CACNA2D3: variants seen among roughly 807,000 people sequenced by gnomAD.
The protein encoded by CACNA2D3 is calcium voltage-gated channel auxiliary subunit alpha2delta 3.
CACNA2D3 carries 60 observed loss-of-function variants against 160.6 expected under a neutral mutation model. That is an observed-to-expected ratio of 0.37 (90% CI 0.30 to 0.46). CACNA2D3 has a LOEUF of 0.46. Ranked by LOEUF, CACNA2D3 falls within the 20% of genes least tolerant of loss-of-function variation. The probability of loss-of-function intolerance (pLI) is 1.00; values close to 1 mark genes in which losing one functional copy is unlikely to be tolerated. For missense variants in CACNA2D3, 1,205 were observed against 1,365.0 expected (o/e 0.88, Z 1.85); for synonymous variants, 558 against 492.9 (o/e 1.13, Z -1.75).
chr3:54,665,672 GA>G (rs1202852234), intron 11 of CACNA2D3, among the ~76,000 whole-genome samples: 2 of 152,022 alleles, frequency 1.3e-5, no homozygotes, highest in Admixed American at 6.6e-5. Context: ...AGAGACTACT[GA>G]CAGGGGCCAA....
At chr3:54,648,803 G>A (rs570213310) in intron 11 of CACNA2D3, among the ~76,000 whole-genome samples, 3 of 152,350 alleles carry the variant, frequency 2.0e-5, no homozygotes, top group Non-Finnish European at 4.4e-5. Flanking sequence ...GAGCAGGTAT[G>A]TCACATGGTG....
chr3:54,477,501 CACAA>C (rs2106889724), intron 4 of CACNA2D3, among the ~76,000 whole-genome samples: 1 of 152,302 alleles, frequency 6.6e-6, no homozygotes, highest in Non-Finnish European at 1.5e-5. Flanking sequence ...CACTCATTGA[CACAA>C]ACCAGAAATT....
intron 9 of CACNA2D3, among the ~76,000 whole-genome samples, chr3:54,600,953 T>C (rs1275465826): frequency 1.3e-5 from 2 of 152,120 alleles, no homozygotes; most frequent in African/African-American, 4.8e-5. Flanking sequence ...ATGTTTTGTT[T>C]TGGGTTTTCT....
At chr3:54,585,567 T>G (rs1340115653) in intron 9 of CACNA2D3, among the ~76,000 whole-genome samples, 1 of 152,188 alleles carries the variant, frequency 6.6e-6, no homozygotes, top group Non-Finnish European at 1.5e-5. Context: ...AAAAGAGGTT[T>G]AATGGACCCA....
At chr3:54,291,392 A>C (rs759703205) in intron 2 of CACNA2D3, among the ~76,000 whole-genome samples, 1 of 152,218 alleles carries the variant, frequency 6.6e-6, no homozygotes, top group Non-Finnish European at 1.5e-5. Context: ...AGTAACCCTT[A>C]AGGCTACTTT....
intron 27 of CACNA2D3, among the ~76,000 whole-genome samples, chr3:54,911,631 T>C (rs557266541): frequency 4.5e-4 from 69 of 152,212 alleles, no homozygotes; most frequent in African/African-American, 1.5e-3. Context: ...GTTCCCTCAG[T>C]GGGCCGCTCC....
At chr3:54,357,843 C>A (rs1341464655) in intron 3 of CACNA2D3, among the ~76,000 whole-genome samples, 2 of 152,178 alleles carry the variant, frequency 1.3e-5, no homozygotes, top group Admixed American at 6.5e-5. Flanking sequence ...ATGATTCCAA[C>A]TATATGCCAT....
At chr3:54,336,584 T>C (rs750402934) in intron 3 of CACNA2D3, among the ~76,000 whole-genome samples, 18 of 152,200 alleles carry the variant, frequency 1.2e-4, no homozygotes, top group Non-Finnish European at 1.8e-4. Context: ...ATAACAAATA[T>C]AACTTCCTTT....
intron 14 of CACNA2D3, among the ~76,000 whole-genome samples, chr3:54,821,644 C>CG (rs1703596268): frequency 3.3e-5 from 1 of 30,740 alleles, no homozygotes; most frequent in Middle Eastern, 0.017. Flanking sequence ...GTCTTTCGTT[C>CG]TTTCTTTCTT....
At chr3:54,248,294 A>G (rs1702120310) in intron 2 of CACNA2D3, among the ~76,000 whole-genome samples, 1 of 152,042 alleles carries the variant, frequency 6.6e-6, no homozygotes, top group Non-Finnish European at 1.5e-5. Flanking sequence ...CAGCCTGGCC[A>G]ACATAGTGAA....
At chr3:55,007,159 A>G (rs947844858) in intron 32 of CACNA2D3, among the ~76,000 whole-genome samples, 1 of 152,334 alleles carries the variant, frequency 6.6e-6, no homozygotes, top group Admixed American at 6.5e-5. Context: ...TTTTAATTAA[A>G]ATATTCTGAA....
intron 10 of CACNA2D3, among the ~76,000 whole-genome samples, chr3:54,630,685 CAAG>C (rs1443719304): frequency 6.6e-6 from 1 of 152,122 alleles, no homozygotes; most frequent in Non-Finnish European, 1.5e-5. Context: ...TTGTATGCTC[CAAG>C]AAGGTGTATT....
intron 3 of CACNA2D3, among the ~76,000 whole-genome samples, chr3:54,331,434 G>A (rs1704252135): frequency 6.6e-6 from 1 of 152,174 alleles, no homozygotes; most frequent in Non-Finnish European, 1.5e-5. Flanking sequence ...TGTATGTGAA[G>A]TAGGCAGCAT....
chr3:54,633,176 T>C (rs537613237), intron 10 of CACNA2D3, among the ~76,000 whole-genome samples: 11 of 152,200 alleles, frequency 7.2e-5, no homozygotes, highest in African/African-American at 2.4e-4. Context: ...GAGGAGGAGA[T>C]TAATACTTTT....
At chr3:54,774,286 G>C (rs926113599) in intron 13 of CACNA2D3, among the ~76,000 whole-genome samples, 4 of 152,174 alleles carry the variant, frequency 2.6e-5, no homozygotes, top group Non-Finnish European at 4.4e-5. Context: ...AATTGGCTCA[G>C]GGTTCCGCAG....
At chr3:55,020,559 T>A (rs1703423955) in intron 35 of CACNA2D3, among the ~76,000 whole-genome samples, 1 of 151,732 alleles carries the variant, frequency 6.6e-6, no homozygotes, top group African/African-American at 2.4e-5. Flanking sequence ...ACCTTCATTG[T>A]CATAAACAGG....
In CACNA2D3 at chr3:54,857,623, G is replaced by A. The variant is rs138461544; in HGVS notation, c.1626+11156G>A. Among the ~76,000 whole-genome samples, 783 of 152,242 alleles carry A rather than the reference G, an allele frequency of 5.1e-3. 5 individuals are homozygous for A. Among genetic ancestry groups the A allele is most frequent in the Non-Finnish European group, 8.1e-3 (550 of 68,022 alleles). Reference sequence around the variant, plus strand: ...CTGAATCACTTTGCCATGTCCCTGCGGGTATTTCCTGGGAATCCCTGTCAA... The same window carrying A: ...CTGAATCACTTTGCCATGTCCCTGCAGGTATTTCCTGGGAATCCCTGTCAA... On this transcript the variant is annotated intron_variant, in intron 17 of 37. Transcript: ENST00000474759.
intron 10 of CACNA2D3, chr3:54,638,091 A>G (rs1699419127): frequency 6.6e-6 from 1 of 151,998 alleles, no homozygotes; most frequent in African/African-American, 2.4e-5. Context: ...CACACCTTGA[A>G]GGTGAGGTTA....
At chr3:54,929,674 G>T (rs1405062605) in intron 27 of CACNA2D3, among the ~76,000 whole-genome samples, 1 of 152,270 alleles carries the variant, frequency 6.6e-6, no homozygotes, top group East Asian at 1.9e-4. Context: ...CAAAAGTCAG[G>T]TGTAGGTGAC....
Sources: gnomAD v4.1 joint callset for allele counts (sites outside exome capture counted in the v4.1 genomes callset) on GRCh38, gnomAD v4.1.1 for gene constraint, MANE v1.5 for transcripts, NCBI Gene and HGNC (gene_info 2026-07-23, HGNC 2026-07-21) for gene names.